ANXA10: variants seen among roughly 807,000 people sequenced by gnomAD.
The protein encoded by ANXA10 is annexin A10.
A neutral mutation model predicts 53.5 loss-of-function variants in ANXA10; 49 were observed. The observed-to-expected ratio is 0.92, with a 90% CI of 0.73 to 1.16. ANXA10 has a LOEUF of 1.16. Ranked by LOEUF, ANXA10 falls within the 50% of genes most tolerant of loss-of-function variation. The probability of loss-of-function intolerance (pLI) is 0.00; values close to 1 mark genes in which losing one functional copy is unlikely to be tolerated. For missense variants in ANXA10, 393 were observed against 394.4 expected (o/e 1.00, Z 0.03); for synonymous variants, 131 against 128.9 (o/e 1.02, Z -0.11).
chr4:168,171,087 T>A (rs1731976259), intron 6 of ANXA10, among the ~76,000 whole-genome samples: 1 of 152,162 alleles, frequency 6.6e-6, no homozygotes, highest in Non-Finnish European at 1.5e-5. Context: ...GGAAAAGATA[T>A]AAAGTGAATA....
chr4:168,112,364 G>A (rs1271295896), intron 1 of ANXA10, among the ~76,000 whole-genome samples: 1 of 152,180 alleles, frequency 6.6e-6, no homozygotes, highest in East Asian at 1.9e-4. Context: ...ATATGTAAAT[G>A]TGACTTCATT....
At chr4:168,105,452 C>G (rs1391008373) in intron 1 of ANXA10, among the ~76,000 whole-genome samples, 2 of 152,032 alleles carry the variant, frequency 1.3e-5, no homozygotes. Context: ...CAATTTCATT[C>G]TTCTTTATGG....
At chr4:168,154,130 T>C (rs145599294) in intron 3 of ANXA10, among the ~76,000 whole-genome samples, 83 of 152,202 alleles carry the variant, frequency 5.5e-4, no homozygotes, top group African/African-American at 1.8e-3. Context: ...GGAAGAAATA[T>C]GTTGTGATAC....
chr4:168,152,828 A>ATT (rs1334040063), intron 3 of ANXA10, among the ~76,000 whole-genome samples: 3 of 148,798 alleles, frequency 2.0e-5, no homozygotes, highest in Non-Finnish European at 4.5e-5. Context: ...TAATATCTAT[A>ATT]TTATATATAT....
intron 2 of ANXA10, among the ~76,000 whole-genome samples, chr4:168,136,607 G>C (rs867734840): frequency 6.6e-6 from 1 of 152,180 alleles, no homozygotes; most frequent in Admixed American, 6.5e-5. Context: ...TGATGCAAGA[G>C]GTGGGCTCCC....
chr4:168,156,418 T>G (rs1452445294), intron 3 of ANXA10, among the ~76,000 whole-genome samples: 1 of 24,600 alleles, frequency 4.1e-5, no homozygotes, highest in South Asian at 9.6e-4. Flanking sequence ...TAGTATATAT[T>G]ATATATACTA....
chr4:168,152,055 C>T (rs1462486304), intron 3 of ANXA10, among the ~76,000 whole-genome samples: 2 of 152,126 alleles, frequency 1.3e-5, no homozygotes, highest in South Asian at 2.1e-4. Context: ...GTGAAATAGC[C>T]GTGAAGAAAA....
At chr4:168,163,626 C>T (rs973798779) in intron 4 of ANXA10, among the ~76,000 whole-genome samples, 1 of 151,858 alleles carries the variant, frequency 6.6e-6, no homozygotes, top group African/African-American at 2.4e-5. Context: ...TCATAGAATG[C>T]TAAGGATTTC....
intron 4 of ANXA10, 119 bp downstream of exon 4, chr4:168,162,760 C>G (rs1270387846): frequency 5.2e-6 from 4 of 764,342 alleles, no homozygotes. Flanking sequence ...GAGGGAATAT[C>G]TAAACAATGA....
At chr4:168,155,787 T>C (rs374424521) in intron 3 of ANXA10, among the ~76,000 whole-genome samples, 5 of 30,506 alleles carry the variant, frequency 1.6e-4, no homozygotes, top group Admixed American at 6.9e-4. Flanking sequence ...TATTATATAT[T>C]ATATATAATA....
chr4:168,173,771 T>A (rs1026079233), intron 6 of ANXA10, among the ~76,000 whole-genome samples: 1 of 152,204 alleles, frequency 6.6e-6, no homozygotes. Context: ...CCTCTTCCCA[T>A]GTGAGGTGCT....
chr4:168,127,909 A>G (rs1234593381), intron 1 of ANXA10, 175 bp from the exon 2 acceptor site: 5 of 365,038 alleles, frequency 1.4e-5, no homozygotes, highest in Non-Finnish European at 2.5e-5. Flanking sequence ...TTTTTTGTAG[A>G]GAGGGGGTTT....
intron 2 of ANXA10, among the ~76,000 whole-genome samples, chr4:168,135,850 G>T (rs997871383): frequency 1.3e-5 from 2 of 152,090 alleles, no homozygotes; most frequent in African/African-American, 4.8e-5. Flanking sequence ...CACAATATTA[G>T]TCAATTCTCA....
intron 3 of ANXA10, among the ~76,000 whole-genome samples, chr4:168,154,065 C>T (rs1403683503): frequency 6.6e-6 from 1 of 151,984 alleles, no homozygotes; most frequent in Non-Finnish European, 1.5e-5. Context: ...CATCTACTGG[C>T]ACTACTAATC....
intron 1 of ANXA10, 70 bp from the exon 2 acceptor site, chr4:168,128,014 G>A: frequency 2.1e-6 from 3 of 1,410,620 alleles, no homozygotes; most frequent in Non-Finnish European, 3.0e-6. Flanking sequence ...ATGAGCCACT[G>A]TGCCCGGCCA....
chr4:168,175,197 A>C (rs1339810201), intron 6 of ANXA10, among the ~76,000 whole-genome samples: 1 of 152,184 alleles, frequency 6.6e-6, no homozygotes, highest in Non-Finnish European at 1.5e-5. Flanking sequence ...AAGTGATGAA[A>C]GTATAGCAAG....
At chr4:168,163,472 T>C (rs536654951) in intron 4 of ANXA10, among the ~76,000 whole-genome samples, 2 of 140,252 alleles carry the variant, frequency 1.4e-5, no homozygotes, top group South Asian at 2.3e-4. Flanking sequence ...ACAAAAATTA[T>C]ATGAATTTTA....
At chr4:168,119,747 T>C (rs1460710328) in intron 1 of ANXA10, among the ~76,000 whole-genome samples, 1 of 152,112 alleles carries the variant, frequency 6.6e-6, no homozygotes, top group Non-Finnish European at 1.5e-5. Context: ...ACACAAAGCA[T>C]GATTTCTAAT....
At chr4:168,123,564 T>A (rs1199401471) in intron 1 of ANXA10, among the ~76,000 whole-genome samples, 1 of 152,162 alleles carries the variant, frequency 6.6e-6, no homozygotes, top group Non-Finnish European at 1.5e-5. Context: ...TCATCAGATA[T>A]CACATTTAGG....
Sources: gnomAD v4.1 joint callset for allele counts (sites outside exome capture counted in the v4.1 genomes callset) on GRCh38, gnomAD v4.1.1 for gene constraint, MANE v1.5 for transcripts, NCBI Gene and HGNC (gene_info 2026-07-23, HGNC 2026-07-21) for gene names.